GPC5: variants seen among roughly 807,000 people sequenced by gnomAD.
GPC5 encodes the protein glypican 5, also known as glypican-5.
Under a neutral mutation model 53.9 loss-of-function variants are expected in GPC5, and 47 were observed. The observed-to-expected ratio is 0.87, with a 90% CI of 0.69 to 1.11. The LOEUF (loss-of-function observed/expected upper bound fraction) is 1.11. Among genes scored for constraint, GPC5 ranks in the 50% most tolerant of loss-of-function variants. The probability of loss-of-function intolerance (pLI) is 0.00; values close to 1 mark genes in which losing one functional copy is unlikely to be tolerated. For missense variants in GPC5, 748 were observed against 713.1 expected (o/e 1.05, Z -0.56); for synonymous variants, 286 against 263.3 (o/e 1.09, Z -0.84).
intron 7 of GPC5, among the ~76,000 whole-genome samples, chr13:92,814,523 T>C (rs1877399506): frequency 6.6e-6 from 1 of 151,450 alleles, no homozygotes; most frequent in South Asian, 2.1e-4. Flanking sequence ...TAGCCGGGCA[T>C]GGTGGCAGAA....
chr13:91,435,265 A>G (rs1879839082), intron 1 of GPC5, among the ~76,000 whole-genome samples: 1 of 152,162 alleles, frequency 6.6e-6, no homozygotes, highest in African/African-American at 2.4e-5. Flanking sequence ...GTCTTGTGCC[A>G]GTTTTCAAAG....
At chr13:92,209,532 CTA>C (rs2042359904) in intron 7 of GPC5, among the ~76,000 whole-genome samples, 1 of 152,126 alleles carries the variant, frequency 6.6e-6, no homozygotes, top group Non-Finnish European at 1.5e-5. Context: ...AGAATTGGAA[CTA>C]ACATCCACAG....
chr13:91,554,211 G>T (rs2030810140), intron 2 of GPC5, among the ~76,000 whole-genome samples: 1 of 151,674 alleles, frequency 6.6e-6, no homozygotes, highest in African/African-American at 2.4e-5. Context: ...TACCTGTCAG[G>T]CTAGGAAACA....
At chr13:92,120,292 G>C (rs2138943121) in intron 6 of GPC5, among the ~76,000 whole-genome samples, 1 of 152,218 alleles carries the variant, frequency 6.6e-6, no homozygotes, top group East Asian at 1.9e-4. Flanking sequence ...TTTGAGATGA[G>C]GTCTCTGTCA....
At chr13:92,643,031 A>G (rs1443000697) in intron 7 of GPC5, among the ~76,000 whole-genome samples, 1 of 152,184 alleles carries the variant, frequency 6.6e-6, no homozygotes, top group Admixed American at 6.5e-5. Context: ...TCTTTTGAGA[A>G]GTGTCTGTTC....
chr13:91,500,355 TTGGTCAGCCAATGTGGCTGGCCA>T (rs1884552734), intron 2 of GPC5, among the ~76,000 whole-genome samples: 1 of 152,198 alleles, frequency 6.6e-6, no homozygotes, highest in Non-Finnish European at 1.5e-5. Context: ...AGGAAGAATC[TTGGTCAGCCAATGTGGCTGGCCA>T]TCTGATATTT....
chr13:92,599,787 G>C lies in GPC5; in HGVS notation c.1562-266495G>C, dbSNP rs574669391. ...AATGGATAATTTTCCTGGATTAAGAGAGAGGGTTAAATTAAGACTTTTTTT... is the reference window on the plus strand; with the variant it reads ...AATGGATAATTTTCCTGGATTAAGACAGAGGGTTAAATTAAGACTTTTTTT... On this transcript the variant is annotated intron_variant, in intron 7 of 7. Transcript: ENST00000377067. 1.2e-4 allele frequency among the ~76,000 whole-genome samples: 17 copies of C among 138,924 alleles called. No individual in the cohort carries two copies. In the South Asian group the frequency reaches 3.0e-3, roughly 25 times the overall value. The allele number at this position is 138,924 out of a possible 152,430, so 91.1% of individuals were successfully genotyped here.
chr13:92,370,256 A>C (rs1452076513), intron 7 of GPC5, among the ~76,000 whole-genome samples: 1 of 152,184 alleles, frequency 6.6e-6, no homozygotes, highest in Non-Finnish European at 1.5e-5. Flanking sequence ...TCTTAGGTGC[A>C]TGAGTTTTAG....
chr13:92,295,726 T>A (rs903967135), intron 7 of GPC5, among the ~76,000 whole-genome samples: 1 of 152,212 alleles, frequency 6.6e-6, no homozygotes, highest in Non-Finnish European at 1.5e-5. Flanking sequence ...CTTTGTCTCT[T>A]TTAACTCCTG....
At chr13:91,839,784 AAAAG>A (rs2038763549) in intron 5 of GPC5, among the ~76,000 whole-genome samples, 1 of 152,120 alleles carries the variant, frequency 6.6e-6, no homozygotes, top group Non-Finnish European at 1.5e-5. Context: ...ATAAGTCATG[AAAAG>A]AAGGATGACT....
At chr13:92,723,290 T>C (rs574322627) in intron 7 of GPC5, among the ~76,000 whole-genome samples, 353 of 151,972 alleles carry the variant, frequency 2.3e-3, no homozygotes, top group Non-Finnish European at 4.1e-3. Flanking sequence ...ACTTATTCAC[T>C]GGACCAAATA....
chr13:91,957,230 A>G (rs2040081586), intron 6 of GPC5, among the ~76,000 whole-genome samples: 1 of 152,144 alleles, frequency 6.6e-6, no homozygotes, highest in South Asian at 2.1e-4. Flanking sequence ...AGCGGAAGAA[A>G]GAATTTGAGA....
chr13:91,766,716 T>C (rs770471022), intron 5 of GPC5, among the ~76,000 whole-genome samples: 5 of 151,984 alleles, frequency 3.3e-5, no homozygotes, highest in Non-Finnish European at 5.9e-5. Flanking sequence ...CAAAATTAAC[T>C]GTGTGTGGTG....
Position 92,146,869 on chromosome 13 carries a change from A to G in GPC5, c.1561+1880A>G, listed in dbSNP as rs1176657127. Among the ~76,000 whole-genome samples, 3 of 152,016 alleles carry G rather than the reference A, an allele frequency of 2.0e-5. No homozygotes were observed. The East Asian group carries it at 5.8e-4, about 29-fold the overall frequency. Reference sequence around the variant, plus strand: ...TCCCTTTATGGCTGAATAGTATTCCATGATATATATATATACCACAGTTTC... The same window carrying G: ...TCCCTTTATGGCTGAATAGTATTCCGTGATATATATATATACCACAGTTTC... On this transcript the variant is annotated intron_variant, in intron 7 of 7. Transcript: ENST00000377067.
At chr13:92,513,998 T>G (rs16947729) in intron 7 of GPC5, among the ~76,000 whole-genome samples, 1,657 of 152,132 alleles carry the variant, frequency 0.011, 33 homozygotes, top group African/African-American at 0.037. Flanking sequence ...TTAAAAGAAA[T>G]GGCCTTTGAA....
chr13:92,446,160 G>A (rs993638962), intron 7 of GPC5, among the ~76,000 whole-genome samples: 1 of 151,368 alleles, frequency 6.6e-6, no homozygotes, highest in Non-Finnish European at 1.5e-5. Context: ...GTCACTTTGT[G>A]CTATAAAATA....
chr13:91,460,972 A>G (rs1712154311), intron 2 of GPC5, among the ~76,000 whole-genome samples: 1 of 152,178 alleles, frequency 6.6e-6, no homozygotes, highest in African/African-American at 2.4e-5. Context: ...TTATGCTTTT[A>G]TCATAAAATA....
chr13:92,292,598 G>GA (rs1555326308), intron 7 of GPC5, among the ~76,000 whole-genome samples: 6 of 151,936 alleles, frequency 3.9e-5, no homozygotes, highest in African/African-American at 7.3e-5. Context: ...AGATTGTGAA[G>GA]GTTTTTTTCC....
At chr13:92,419,771 A>G (rs963282055) in intron 7 of GPC5, among the ~76,000 whole-genome samples, 16 of 152,186 alleles carry the variant, frequency 1.1e-4, no homozygotes, top group African/African-American at 3.6e-4. Context: ...TATTGAGTTT[A>G]TTTAAGAAAA....
Sources: gnomAD v4.1 joint callset for allele counts (sites outside exome capture counted in the v4.1 genomes callset) on GRCh38, gnomAD v4.1.1 for gene constraint, MANE v1.5 for transcripts, NCBI Gene and HGNC (gene_info 2026-07-23, HGNC 2026-07-21) for gene names.